GPR139: variants seen among roughly 807,000 people sequenced by gnomAD.
GPR139 encodes G protein-coupled receptor 139.
GPR139 carries 12 observed loss-of-function variants against 25.8 expected under a neutral mutation model. The ratio of observed to expected loss-of-function variants is 0.47; its 90% confidence interval spans 0.30 to 0.75. GPR139 has a LOEUF of 0.75. GPR139 is among the 30% of genes least tolerant of loss of function. GPR139 has a pLI of 0.07. For missense variants in GPR139, 380 were observed against 450.2 expected (o/e 0.84, Z 1.41); for synonymous variants, 184 against 179.9 (o/e 1.02, Z -0.18).
At chr16:20,043,618 A>G (rs147791816) in intron 1 of GPR139, among the ~76,000 whole-genome samples, 1,557 of 152,324 alleles carry the variant, frequency 0.01, 37 homozygotes, top group African/African-American at 0.035. Context: ...TAGGCTTCTG[A>G]TCTTCATTTC....
At chr16:20,072,611 C>G (rs1005725522) in intron 1 of GPR139, among the ~76,000 whole-genome samples, 1 of 152,164 alleles carries the variant, frequency 6.6e-6, no homozygotes, top group Non-Finnish European at 1.5e-5. Flanking sequence ...CTCTCTCTCT[C>G]GCTCTCTCTC....
intron 1 of GPR139, among the ~76,000 whole-genome samples, chr16:20,066,317 A>G (rs929666190): frequency 5.3e-5 from 8 of 152,182 alleles, no homozygotes; most frequent in African/African-American, 1.9e-4. Flanking sequence ...ATCCAGGACA[A>G]CCTTGCTGGT....
intron 1 of GPR139, among the ~76,000 whole-genome samples, chr16:20,035,771 A>G (rs4780837): frequency 0.18 from 26,925 of 152,152 alleles, 3,036 homozygotes; most frequent in East Asian, 0.35. Flanking sequence ...AAATGTTCTG[A>G]GGGGGAGAAG....
chr16:20,039,435 A>G (rs1438003056), intron 1 of GPR139, among the ~76,000 whole-genome samples: 1 of 152,202 alleles, frequency 6.6e-6, no homozygotes, highest in Non-Finnish European at 1.5e-5. Context: ...TTGTCTTTAA[A>G]AACTGTTTTT....
chr16:20,037,897 G>A (rs887260534), intron 1 of GPR139, among the ~76,000 whole-genome samples: 1 of 152,150 alleles, frequency 6.6e-6, no homozygotes, highest in Non-Finnish European at 1.5e-5. Flanking sequence ...TTTCGCTCTT[G>A]TCGGCCAGGC....
At chr16:20,053,918 C>T (rs558190410) in intron 1 of GPR139, among the ~76,000 whole-genome samples, 21 of 151,964 alleles carry the variant, frequency 1.4e-4, no homozygotes, top group African/African-American at 4.8e-4. Context: ...AATTACACAA[C>T]CAGGTTTTGA....
chr16:20,068,078 T>C (rs1171576950), intron 1 of GPR139, among the ~76,000 whole-genome samples: 2 of 152,004 alleles, frequency 1.3e-5, no homozygotes, highest in Non-Finnish European at 2.9e-5. Flanking sequence ...CCTGAAAGAA[T>C]ACATAAGAAA....
Position 20,028,519 on chromosome 16 carries a change from T to C in GPR139, c.*3216A>G, listed in dbSNP as rs9940342. 0.016 allele frequency among the ~76,000 whole-genome samples: 2,416 copies of C among 152,314 alleles called. 78 individuals are homozygous for C. Among genetic ancestry groups the C allele is most frequent in the African/African-American group, 0.056 (2,328 of 41,546 alleles). ...TCTATGGTAACTTTCTATTCCATTC[T>C]CTGAACTGGAATAGCCAACATTAGA... On this transcript the variant is annotated 3_prime_UTR_variant, in exon 2 of 2. Coordinates refer to ENST00000570682, the MANE Select transcript of GPR139 (RefSeq NM_001002911.4).
At position 20,028,497 on chromosome 16, in the gene GPR139, A is replaced by G. The variant is rs548603805; in HGVS notation, c.*3238T>C. 5.3e-5 allele frequency among the ~76,000 whole-genome samples: 8 copies of G among 152,252 alleles called. No homozygotes were observed. Among genetic ancestry groups the G allele is most frequent in the South Asian group, 2.1e-4 (1 of 4,820 alleles). On this transcript the variant is annotated 3_prime_UTR_variant, in exon 2 of 2. Coordinates refer to ENST00000570682, the MANE Select transcript of GPR139 (RefSeq NM_001002911.4). ...AAATATGAACATTTGCTTTTTTTCTATGGTAACTTTCTATTCCATTCTCTG... is the reference window on the plus strand; with the variant it reads ...AAATATGAACATTTGCTTTTTTTCTGTGGTAACTTTCTATTCCATTCTCTG...
At position 20,057,768 on chromosome 16, in the gene GPR139, A is replaced by G. The variant is rs143132181; in HGVS notation, c.127+15722T>C. Among the ~76,000 whole-genome samples, 16 of 152,250 alleles carry G rather than the reference A, an allele frequency of 1.1e-4. No homozygotes were observed. The East Asian group carries it at 2.1e-3, about 20-fold the overall frequency. ...AATTCAGCATCTTTTCAATGTTCCTATGCAGAGATAAGCCCTTCCTCCAGT... is the reference window on the plus strand; with the variant it reads ...AATTCAGCATCTTTTCAATGTTCCTGTGCAGAGATAAGCCCTTCCTCCAGT... On this transcript the variant is annotated intron_variant, in intron 1 of 1. Transcript: ENST00000570682.
At chr16:20,065,204 T>C (rs1042908393) in intron 1 of GPR139, among the ~76,000 whole-genome samples, 3 of 152,194 alleles carry the variant, frequency 2.0e-5, no homozygotes, top group Admixed American at 2.0e-4. Context: ...CTGGCTCACA[T>C]AGTGTTTTTG....
rs562419932 is a variant in GPR139 at position 20,032,047 on chromosome 16, G to C, written c.750C>G (p.Tyr250Ter). 1 of 1,614,220 alleles carries C rather than the reference G, an allele frequency of 6.2e-7. No homozygotes were observed. Among genetic ancestry groups the C allele is most frequent in the Non-Finnish European group, 8.5e-7 (1 of 1,180,042 alleles). ...LWAPRIIMIL[Y>*]HLYGAPIQNR... ...TCTGGATGGGCGCCCCATAGAGGTG[G>C]TAAAGAATCATGATGATGCGGGGGG... Residue 250 changes from tyrosine to a stop codon, truncating the protein, a stop_gained, in exon 2 of 2, where the codon TAC becomes TAG. Coordinates refer to ENST00000570682, the MANE Select transcript of GPR139 (RefSeq NM_001002911.4). LOFTEE classifies it high-confidence loss of function.
In GPR139 at chr16:20,030,264, G is replaced by A. The variant is rs187526160; in HGVS notation, c.*1471C>T. Among the ~76,000 whole-genome samples the A allele has an allele frequency of 1.1e-4, 16 of 152,304 alleles. No individual in the cohort carries two copies. Among genetic ancestry groups the A allele is most frequent in the Admixed American group, 1.0e-3 (16 of 15,304 alleles). ...CCAGCCTGAGGAACTAAATATTCCA[G>A]GTGGACTGTCTGCCGTTTTTTGGTC... is the stretch of plus-strand genomic sequence containing the variant. On this transcript the variant is annotated 3_prime_UTR_variant, in exon 2 of 2. Transcript: ENST00000570682.
intron 1 of GPR139, among the ~76,000 whole-genome samples, chr16:20,061,061 CTGTGTGTG>C (rs58567910): frequency 0.22 from 29,109 of 134,674 alleles, 3,308 homozygotes; most frequent in East Asian, 0.34. Flanking sequence ...AGTCTTTCCT[CTGTGTGTG>C]TGTGTGTGTG....
chr16:20,063,099 T>G (rs1030720515), intron 1 of GPR139, among the ~76,000 whole-genome samples: 1 of 152,200 alleles, frequency 6.6e-6, no homozygotes, highest in African/African-American at 2.4e-5. Flanking sequence ...AATAAAAAAT[T>G]CAGTTCCACA....
intron 1 of GPR139, among the ~76,000 whole-genome samples, chr16:20,057,006 G>A (rs1408173471): frequency 2.0e-5 from 3 of 152,146 alleles, no homozygotes; most frequent in South Asian, 2.1e-4. Context: ...GGATGATGTC[G>A]GGAGAATCTT....
chr16:20,071,086 G>T, intron 1 of GPR139: 4 of 705,994 alleles, frequency 5.7e-6, no homozygotes, highest in Non-Finnish European at 7.0e-6. Context: ...CATTTCGCTA[G>T]TGCCATCATC....
intron 1 of GPR139, among the ~76,000 whole-genome samples, chr16:20,037,966 T>C (rs1183570249): frequency 6.6e-6 from 1 of 152,046 alleles, no homozygotes; most frequent in African/African-American, 2.4e-5. Context: ...GTTCAAGCAA[T>C]TCTCTTGCCT....
chr16:20,049,120 G>C (rs182138191), intron 1 of GPR139, among the ~76,000 whole-genome samples: 137 of 152,292 alleles, frequency 9.0e-4, no homozygotes, highest in Non-Finnish European at 1.6e-3. Context: ...CTGGAAAGCA[G>C]GGACTGTATC....
Sources: allele counts gnomAD v4.1 joint callset (sites outside exome capture counted in the v4.1 genomes callset), GRCh38; gene constraint gnomAD v4.1.1; transcripts MANE v1.5; gene names NCBI Gene and HGNC (gene_info 2026-07-23, HGNC 2026-07-21).